The following PARPBP variants were observed in gnomAD, a reference collection of about 807,000 sequenced individuals.
PARPBP encodes the protein PCNA-interacting partner.
In PARPBP, 52 loss-of-function variants were observed where a neutral mutation model predicts 50.0. The ratio of observed to expected loss-of-function variants is 1.04; its 90% CI spans 0.83 to 1.31. PARPBP has a LOEUF of 1.31. PARPBP is among the 50% of genes most tolerant of loss of function. The pLI, the probability that PARPBP is intolerant of heterozygous loss-of-function variation, is 0.00. For synonymous variants in PARPBP, 244 were observed against 232.1 expected (o/e 1.05, Z -0.47); for missense variants, 697 against 672.0 (o/e 1.04, Z -0.41).
intron 4 of PARPBP, among the ~76,000 whole-genome samples, chr12:102,161,775 A>T (rs1029650724): frequency 1.3e-5 from 2 of 152,324 alleles, no homozygotes; most frequent in Non-Finnish European, 2.9e-5. Flanking sequence ...TATTAAAAAG[A>T]AAAGTATGCA....
chr12:102,182,238 G>A (rs985203835), intron 8 of PARPBP, among the ~76,000 whole-genome samples: 11 of 152,098 alleles, frequency 7.2e-5, no homozygotes, highest in Admixed American at 7.2e-4. Context: ...TGATCATGGC[G>A]GTAAACAACT....
intron 3 of PARPBP, among the ~76,000 whole-genome samples, chr12:102,153,343 G>A (rs1458766889): frequency 6.6e-6 from 1 of 152,122 alleles, no homozygotes; most frequent in Non-Finnish European, 1.5e-5. Context: ...GGCCAGCCTT[G>A]TGCCTATTAA....
At chr12:102,141,515 T>A (rs1884594392) in intron 2 of PARPBP, among the ~76,000 whole-genome samples, 1 of 152,236 alleles carries the variant, frequency 6.6e-6, no homozygotes, top group African/African-American at 2.4e-5. Flanking sequence ...TGTGTGAATT[T>A]GATCCTGTCA....
At chr12:102,187,271 A>G (rs1890384295) in intron 9 of PARPBP, among the ~76,000 whole-genome samples, 1 of 152,176 alleles carries the variant, frequency 6.6e-6, no homozygotes, top group South Asian at 2.1e-4. Context: ...TAGTCCCCAG[A>G]TACAGAACTA....
At chr12:102,157,289 T>G (rs1397204295) in intron 4 of PARPBP, among the ~76,000 whole-genome samples, 1 of 152,226 alleles carries the variant, frequency 6.6e-6, no homozygotes, top group Non-Finnish European at 1.5e-5. Context: ...TTAGCGTACA[T>G]TTCCTAAAAG....
At chr12:102,140,643 A>C (rs1026304163) in intron 2 of PARPBP, among the ~76,000 whole-genome samples, 2 of 152,188 alleles carry the variant, frequency 1.3e-5, no homozygotes, top group Non-Finnish European at 2.9e-5. Flanking sequence ...TTCCCTCTAC[A>C]CACTGCTTTA....
intron 1 of PARPBP, 115 bp from the exon 2 acceptor site, chr12:102,123,771 A>G (rs1248637058): frequency 1.8e-6 from 1 of 550,978 alleles, no homozygotes; most frequent in Non-Finnish European, 3.0e-6. Flanking sequence ...GGTAAATATG[A>G]AATGACCTCT....
chr12:102,154,294 G>A (rs1886597356), intron 4 of PARPBP, among the ~76,000 whole-genome samples: 1 of 152,110 alleles, frequency 6.6e-6, no homozygotes, highest in Non-Finnish European at 1.5e-5. Flanking sequence ...TCTTTTAGAT[G>A]GTTCATCCTT....
At position 102,182,122 on chromosome 12, in the gene PARPBP, C is replaced by T. The variant is rs73384892; in HGVS notation, c.1185-427C>T. Among the ~76,000 whole-genome samples, 509 of 152,248 alleles carry T rather than the reference C, an allele frequency of 3.3e-3. 2 individuals are homozygous for T. The highest frequency in any genetic ancestry group is 0.011 in the African/African-American group (475 of 41,536). On this transcript the variant is annotated intron_variant, in intron 8 of 10. Transcript: ENST00000327680. Reference sequence around the variant, plus strand: ...CTGTACACATTCAGTAGAAACTGTGCCTCGAAATTTGAATTTGGATCTTTT... The same window carrying T: ...CTGTACACATTCAGTAGAAACTGTGTCTCGAAATTTGAATTTGGATCTTTT...
At chr12:102,148,518 AT>A in intron 3 of PARPBP, 55 bp downstream of exon 3, 1 of 679,988 alleles carries the variant, frequency 1.5e-6, no homozygotes, top group Non-Finnish European at 2.4e-6. Flanking sequence ...AGCTCTATTT[AT>A]TTTGAATTAT....
At chr12:102,167,646 CT>C (rs1359239940) in intron 6 of PARPBP, among the ~76,000 whole-genome samples, 1 of 152,156 alleles carries the variant, frequency 6.6e-6, no homozygotes, top group African/African-American at 2.4e-5. Context: ...ACAGAGGAAT[CT>C]TTTAATCTCT....
Position 102,173,220 on chromosome 12 carries a change from G to A in PARPBP, c.822-2263G>A, listed in dbSNP as rs146500052. On this transcript the variant is annotated intron_variant, in intron 6 of 10. Transcript: ENST00000327680. ...TAGGAAACACATACCCATTCTACAG[G>A]GCTAAGCCCTCAGTGTAAAAATAAA... 2.0e-5 allele frequency among the ~76,000 whole-genome samples: 3 copies of A among 152,226 alleles called. No individual in the cohort carries two copies. The East Asian group carries it at 5.8e-4, about 29-fold the overall frequency.
At chr12:102,154,393 G>A (rs937776908) in intron 4 of PARPBP, among the ~76,000 whole-genome samples, 2 of 152,112 alleles carry the variant, frequency 1.3e-5, no homozygotes, top group African/African-American at 2.4e-5. Flanking sequence ...AGGGTTTGTC[G>A]TATAAACCAC....
chr12:102,148,104 C>T, intron 2 of PARPBP, 126 bp from the exon 3 acceptor site: 1 of 508,244 alleles, frequency 2.0e-6, no homozygotes, highest in Non-Finnish European at 3.4e-6. Flanking sequence ...GTGTTCTCTT[C>T]AAACCCACAA....
At chr12:102,149,813 G>GTA (rs1287587780) in intron 3 of PARPBP, among the ~76,000 whole-genome samples, 1 of 152,176 alleles carries the variant, frequency 6.6e-6, no homozygotes, top group Non-Finnish European at 1.5e-5. Context: ...CTACACTATG[G>GTA]TAAGGATACT....
At chr12:102,151,496 A>G in intron 3 of PARPBP, 1 of 1,001,018 alleles carries the variant, frequency 1.0e-6, no homozygotes, top group Non-Finnish European at 1.5e-6. Flanking sequence ...ATGCATCAAC[A>G]TCAGTGAATG....
At chr12:102,144,648 A>G (rs1044347119) in intron 2 of PARPBP, among the ~76,000 whole-genome samples, 3 of 152,222 alleles carry the variant, frequency 2.0e-5, no homozygotes, top group Non-Finnish European at 2.9e-5. Context: ...AAGGGTAAGA[A>G]TAAGTTGTGC....
At chr12:102,128,315 TC>T (rs774609116) in intron 2 of PARPBP, among the ~76,000 whole-genome samples, 3 of 152,084 alleles carry the variant, frequency 2.0e-5, no homozygotes, top group Non-Finnish European at 4.4e-5. Flanking sequence ...CACTGCAAGC[TC>T]CCCCTCCCGG....
intron 4 of PARPBP, among the ~76,000 whole-genome samples, chr12:102,159,625 A>G (rs539104949): frequency 6.6e-6 from 1 of 152,160 alleles, no homozygotes; most frequent in Non-Finnish European, 1.5e-5. Context: ...GTACTAAACC[A>G]TTGCTTTTAA....
Sources: gnomAD v4.1 joint callset for allele counts (sites outside exome capture counted in the v4.1 genomes callset) on GRCh38, gnomAD v4.1.1 for gene constraint, MANE v1.5 for transcripts, NCBI Gene and HGNC (gene_info 2026-07-23, HGNC 2026-07-21) for gene names.